The following ARMCX4 variants were observed in gnomAD, a reference collection of about 807,000 sequenced individuals.
The protein encoded by ARMCX4 is armadillo repeat containing X-linked 4.
Under a neutral mutation model 34.7 loss-of-function variants are expected in ARMCX4, and 3 were observed. The ratio of observed to expected loss-of-function variants is 0.09; its 90% confidence interval spans 0.04 to 0.22. The LOEUF (loss-of-function observed/expected upper bound fraction) is 0.22. Among genes scored for constraint, ARMCX4 ranks in the 10% least tolerant of loss-of-function variants. The probability of loss-of-function intolerance (pLI) is 1.00; values close to 1 mark genes in which losing one functional copy is unlikely to be tolerated. For synonymous variants in ARMCX4, 513 were observed against 632.8 expected (o/e 0.81, Z 2.84); for missense variants, 1,448 against 1,720.8 (o/e 0.84, Z 2.81).
intron 11 of ARMCX4, among the ~76,000 whole-genome samples, chrX:101,515,860 C>T (rs1017184260): frequency 2.2e-4 from 24 of 110,730 alleles, no homozygotes; most frequent in African/African-American, 6.9e-4. Context: ...TGTATTTCTA[C>T]TGCCTCATCA....
intron 11 of ARMCX4, among the ~76,000 whole-genome samples, chrX:101,521,660 A>G (rs1282543501): frequency 9.0e-6 from 1 of 110,553 alleles, no homozygotes; most frequent in Non-Finnish European, 1.9e-5. Context: ...TGGTATTTAT[A>G]GCTATATTTT....
In ARMCX4 at chrX:101,489,107, C is replaced by T. The variant is rs1423137286; in HGVS notation, c.518C>T (p.Ala173Val). 9 of 1,155,975 alleles carry T rather than the reference C, an allele frequency of 7.8e-6. No homozygotes were observed. Among genetic ancestry groups the T allele is most frequent in the Admixed American group, 2.6e-5 (1 of 38,775 alleles). Reference sequence around the variant, plus strand: ...ACACAGACCAAGGCTAAAGCTTGGGCGCTGGTTGCCAAGACAGAGGCCAAG... The same window carrying T: ...ACACAGACCAAGGCTAAAGCTTGGGTGCTGGTTGCCAAGACAGAGGCCAAG... ...AVTQTKAKAW[A>V]LVAKTEAKRE... Residue 173 changes from alanine to valine, a missense_variant, in exon 6 of 6, where the codon GCG (alanine) becomes GTG (valine). Around this residue, in one of 2 missense-constraint regions of ARMCX4, gnomAD observed 1,343 missense variants for 1,540.7 expected, o/e 0.87. Transcript: ENST00000423738.
At chrX:101,459,760 A>G (rs1299394025) in intron 4 of ARMCX4, among the ~76,000 whole-genome samples, 24 of 112,848 alleles carry the variant, frequency 2.1e-4, no homozygotes, top group African/African-American at 7.1e-4. Flanking sequence ...ACCAGATACT[A>G]TCTGCACAGG....
rs1483916943 is a variant in ARMCX4 at position 101,516,272 on chromosome X, G to T, written c.*1780+5217G>T. Reference sequence around the variant, plus strand: ...TTGTCATCAGAGCAGAAAATGAAGAGTCATTCCATGTCTAATTAATAACTT... The same window carrying T: ...TTGTCATCAGAGCAGAAAATGAAGATTCATTCCATGTCTAATTAATAACTT... On this transcript the variant is annotated intron_variant and NMD_transcript_variant, in intron 11 of 12. Coordinates refer to the ARMCX4 transcript ENST00000354842. Among the ~76,000 whole-genome samples the T allele has an allele frequency of 3.6e-5, 4 of 111,399 alleles. No homozygotes were observed. The Admixed American group carries it at 3.8e-4, about 11-fold the overall frequency.
intron 2 of ARMCX4, among the ~76,000 whole-genome samples, chrX:101,438,617 A>G (rs782442015): frequency 9.0e-6 from 1 of 111,205 alleles, no homozygotes; most frequent in South Asian, 3.8e-4. Flanking sequence ...GTCTCTTTAT[A>G]GGTCTCTGAG....
At position 101,494,941 on chromosome X, in the gene ARMCX4, A is replaced by T. The variant is rs1556011440; in HGVS notation, c.6352A>T (p.Arg2118Trp). 8.7e-7 allele frequency: 1 copy of T among 1,155,363 alleles called. No individual in the cohort carries two copies. The highest frequency in any genetic ancestry group is 1.1e-6 in the Non-Finnish European group (1 of 872,298). Residue 2118 changes from arginine to tryptophan, a missense_variant, in exon 6 of 6, where the codon AGG (arginine) becomes TGG (tryptophan). This residue lies in a region of ARMCX4 where 105 missense variants were observed against 180.2 expected (regional missense o/e 0.58). Transcript: ENST00000423738. Reference sequence around the variant, plus strand: ...TATCTCAGTGGCTGCTGAAAACCATAGGAAGGTTAAAACTTACTTAAACCA... The same window carrying T: ...TATCTCAGTGGCTGCTGAAAACCATTGGAAGGTTAAAACTTACTTAAACCA... ...NNISVAAENH[R>W]KVKTYLNQVC...
At chrX:101,482,639 A>G (rs1933502599), upstream of ARMCX4, among the ~76,000 whole-genome samples, 1 of 110,842 alleles carries the variant, frequency 9.0e-6, no homozygotes, top group African/African-American at 3.3e-5. Context: ...GCCTCAAGTA[A>G]TGCTCTTGCC....
downstream of ARMCX4, among the ~76,000 whole-genome samples, chrX:101,500,055 C>T (rs1283556749): frequency 9.0e-6 from 1 of 111,305 alleles, no homozygotes; most frequent in Admixed American, 9.5e-5. Context: ...AACTGTGTAC[C>T]AAGGAAAGAG....
intron 11 of ARMCX4, among the ~76,000 whole-genome samples, chrX:101,511,975 A>G (rs1398191792): frequency 9.0e-6 from 1 of 110,718 alleles, no homozygotes; most frequent in African/African-American, 3.3e-5. Flanking sequence ...ATAAGTTCAG[A>G]CCTTTTCTGG....
At chrX:101,441,118 C>T (rs1555996788) in intron 2 of ARMCX4, among the ~76,000 whole-genome samples, 2 of 111,080 alleles carry the variant, frequency 1.8e-5, no homozygotes, top group East Asian at 2.8e-4. Context: ...CTTGGCTCCA[C>T]CCCCCGGGAC....
In ARMCX4 at chrX:101,486,094, T is replaced by C. The variant is rs902040279; in HGVS notation, c.-367+2T>C. 9.0e-6 allele frequency: 1 copy of C among 110,622 alleles called. No homozygotes were observed. 9.1% of individuals were successfully genotyped at this position (110,622 alleles called of 1,213,427 possible). On this transcript the variant is annotated splice_donor_variant, in intron 2 of 5. Coordinates refer to ENST00000423738, the MANE Select transcript of ARMCX4 (RefSeq NM_001256155.3). LOFTEE classifies it low-confidence loss of function (5UTR_SPLICE). ...AGAAAACTGCACTGGATCAAGGAGGTTAGTGTGAGTACAGACACTATCTAA... is the reference window on the plus strand; with the variant it reads ...AGAAAACTGCACTGGATCAAGGAGGCTAGTGTGAGTACAGACACTATCTAA...
intron 4 of ARMCX4, among the ~76,000 whole-genome samples, chrX:101,462,072 T>C: frequency 8.9e-6 from 1 of 112,341 alleles, no homozygotes; most frequent in Non-Finnish European, 1.9e-5. Flanking sequence ...GTCAGAGATA[T>C]ATTAAGTGAA....
chrX:101,428,485 C>A (rs1380739387), intron 2 of ARMCX4, among the ~76,000 whole-genome samples: 2 of 112,304 alleles, frequency 1.8e-5, no homozygotes, highest in Non-Finnish European at 3.8e-5. Context: ...TTAAGCTGTG[C>A]ATTTGAGATT....
At chrX:101,447,294 A>G (rs1555998250), downstream of ARMCX4, among the ~76,000 whole-genome samples, 1 of 112,652 alleles carries the variant, frequency 8.9e-6, no homozygotes, top group Non-Finnish European at 1.9e-5. Context: ...AGGGAATAAT[A>G]TCAAATAATT....
chrX:101,527,895 C>T (rs1463317450), intron 11 of ARMCX4, among the ~76,000 whole-genome samples: 1 of 111,669 alleles, frequency 9.0e-6, no homozygotes, highest in Non-Finnish European at 1.9e-5. Flanking sequence ...CGAATTCTAC[C>T]AGAGGTACAA....
rs1178803559 is a variant in ARMCX4 at position 101,494,936 on chromosome X, A to G, written c.6347A>G (p.Asn2116Ser). Residue 2116 changes from asparagine (N) to serine (S), a missense_variant, in exon 6 of 6, where the codon AAC becomes AGC. Physicochemically the swap from Asn to Ser is conservative, Grantham distance 46. Coordinates refer to ENST00000423738, the MANE Select transcript of ARMCX4 (RefSeq NM_001256155.3). Reference protein sequence around the residue: ...ALNNISVAAENHRKVKTYLNQ... With the variant: ...ALNNISVAAESHRKVKTYLNQ... ...AATAATATCTCAGTGGCTGCTGAAA[A>G]CCATAGGAAGGTTAAAACTTACTTA... The G allele has an allele frequency of 2.6e-6, 3 of 1,155,308 alleles. No individual in the cohort carries two copies. The highest frequency in any genetic ancestry group is 3.4e-6 in the Non-Finnish European group (3 of 872,434).
At chrX:101,527,249 A>T (rs1424642971) in intron 11 of ARMCX4, among the ~76,000 whole-genome samples, 1 of 112,037 alleles carries the variant, frequency 8.9e-6, no homozygotes, top group Non-Finnish European at 1.9e-5. Context: ...AAATAACGAA[A>T]TGAAGGCAGA....
chrX:101,457,065 C>T (rs1932324643), intron 4 of ARMCX4, among the ~76,000 whole-genome samples: 1 of 111,573 alleles, frequency 9.0e-6, no homozygotes, highest in African/African-American at 3.3e-5. Flanking sequence ...TATGCTACTA[C>T]ACCCAGCTTT....
intron 11 of ARMCX4, among the ~76,000 whole-genome samples, chrX:101,520,078 A>G (rs1934820376): frequency 8.9e-6 from 1 of 112,016 alleles, no homozygotes; most frequent in South Asian, 3.7e-4. Context: ...AACCCTTATC[A>G]GATATATGCA....
Sources: allele counts gnomAD v4.1 joint callset (sites outside exome capture counted in the v4.1 genomes callset), GRCh38; gene constraint gnomAD v4.1.1; regional missense constraint gnomAD v4.1.1; transcripts MANE v1.5; gene names NCBI Gene and HGNC (gene_info 2026-07-23, HGNC 2026-07-21).